Variants in CAP2 observed in about 807,000 individuals in gnomAD.
The protein encoded by CAP2 is adenylyl cyclase-associated protein 2.
A neutral mutation model predicts 57.7 loss-of-function variants in CAP2; 24 were observed. The ratio of observed to expected loss-of-function variants is 0.42; its 90% CI spans 0.30 to 0.58. The LOEUF is 0.58. Among genes scored for constraint, CAP2 ranks in the 20% least tolerant of loss-of-function variants. CAP2 has a pLI of 0.22. For missense variants in CAP2, 501 were observed against 590.3 expected, an observed-to-expected ratio of 0.85 and a Z score of 1.57; for synonymous variants, 194 against 207.2, an observed-to-expected ratio of 0.94 and a Z score of 0.55.
chr6:17,551,439 TCC>T, intron 11 of CAP2, 23 bp from the exon 12 acceptor site: 1 of 1,567,036 alleles, frequency 6.4e-7, no homozygotes, highest in Non-Finnish European at 8.7e-7. Context: ...TTTGCTTTGG[TCC>T]CAGGTATTTT....
At chr6:17,443,997 A>T (rs1211794565) in intron 3 of CAP2, among the ~76,000 whole-genome samples, 2 of 152,170 alleles carry the variant, frequency 1.3e-5, no homozygotes, top group African/African-American at 4.8e-5. Context: ...AAACCCTTTT[A>T]AAAAAATATT....
At chr6:17,411,483 A>C (rs9465034) in intron 1 of CAP2, among the ~76,000 whole-genome samples, 15,611 of 152,184 alleles carry the variant, frequency 0.1, 2,679 homozygotes, top group African/African-American at 0.35. Context: ...TTATAACCAT[A>C]CTAGTGTGTG....
chr6:17,513,667 G>A lies in CAP2; in HGVS notation c.531-182G>A, dbSNP rs569913253. 1.3e-5 allele frequency among the ~76,000 whole-genome samples: 2 copies of A among 152,298 alleles called. No homozygotes were observed. The highest frequency in any genetic ancestry group is 3.9e-4 in the East Asian group (2 of 5,180). Reference sequence around the variant, plus strand: ...CCACCTGCCGCCTCCCCTCAGGAGAGTACTGGGCCAGCTTCCTCCCAGGGT... The same window carrying A: ...CCACCTGCCGCCTCCCCTCAGGAGAATACTGGGCCAGCTTCCTCCCAGGGT... On this transcript the variant is annotated intron_variant, in intron 6 of 12. Transcript: ENST00000229922. This position sits in a 1 kb window ranked among gnomAD's most constrained non-coding sequence, Gnocchi z 4.3.
chr6:17,442,624 A>G (rs1760118998), intron 3 of CAP2, among the ~76,000 whole-genome samples: 1 of 152,126 alleles, frequency 6.6e-6, no homozygotes, highest in Non-Finnish European at 1.5e-5. Context: ...GTGGTGGTTC[A>G]GGCCTGTAAT....
intron 7 of CAP2, among the ~76,000 whole-genome samples, chr6:17,516,689 C>T (rs1762280862): frequency 6.6e-6 from 1 of 152,248 alleles, no homozygotes; most frequent in Non-Finnish European, 1.5e-5. Context: ...GTAAAACTCA[C>T]TGTCCTGAAA....
chr6:17,459,662 T>G (rs550670814), intron 3 of CAP2, among the ~76,000 whole-genome samples: 6 of 151,930 alleles, frequency 3.9e-5, no homozygotes, highest in Non-Finnish European at 8.8e-5. Context: ...AAAACAAGAA[T>G]GAAATGAAAA....
chr6:17,514,071 T>A, intron 7 of CAP2, 117 bp downstream of exon 7: 1 of 722,864 alleles, frequency 1.4e-6, no homozygotes, highest in South Asian at 1.7e-5. Context: ...AGATTAAATG[T>A]CCATGTGGAG....
At chr6:17,551,146 A>G (rs3777709) in intron 11 of CAP2, among the ~76,000 whole-genome samples, 60,007 of 152,084 alleles carry the variant, frequency 0.39, 12,661 homozygotes, top group Non-Finnish European at 0.46. Context: ...CATGTTTTGA[A>G]TCTACTAACA....
At position 17,426,615 on chromosome 6, in the gene CAP2, T is replaced by C. The variant is rs59744718; in HGVS notation, c.147T>C (p.Phe49=). ...IAGVAPSVEA[F]DKLMDSMVAE... ...GTGTGGCACCCTCCGTGGAAGCCTTTGACAAGCTGATGGACAGTATGGTGG... is the reference window on the plus strand; with the variant it reads ...GTGTGGCACCCTCCGTGGAAGCCTTCGACAAGCTGATGGACAGTATGGTGG... The change falls in exon 3 of 13, where the codon TTT becomes TTC. Residue 49 remains phenylalanine (F), a synonymous_variant. Coordinates refer to ENST00000229922, the MANE Select transcript of CAP2 (RefSeq NM_006366.3). 7.1e-3 allele frequency: 11,416 copies of C among 1,613,964 alleles called. 305 individuals are homozygous for C. In the African/African-American group the frequency reaches 0.082, roughly 12 times the overall value.
intron 3 of CAP2, among the ~76,000 whole-genome samples, chr6:17,439,974 A>G (rs9383283): frequency 0.65 from 97,722 of 151,262 alleles, 33,363 homozygotes; most frequent in East Asian, 0.86. Flanking sequence ...TTCCCCCCAT[A>G]GGTCTTCCTA....
At position 17,541,000 on chromosome 6, in the gene CAP2, A is replaced by T. The variant is rs988765440; in HGVS notation, c.854A>T (p.Lys285Met). 6.2e-7 allele frequency: 1 copy of T among 1,613,934 alleles called. No individual in the cohort carries two copies. Among genetic ancestry groups the T allele is most frequent in the Admixed American group, 1.7e-5 (1 of 60,000 alleles). Residue 285 changes from lysine to methionine, a missense_variant, in exon 9 of 13, where the codon AAG becomes ATG. By Grantham distance (95) the Lys-to-Met change is moderately conservative. Transcript: ENST00000229922. ...KGLRHVTDDQ[K>M]TYKNPSLRAQ... ...CTCCGCCATGTCACAGATGACCAGA[A>T]GACATACAAAAATCCCAGCCTGCGG...
At chr6:17,468,650 C>G (rs1202341652) in intron 4 of CAP2, among the ~76,000 whole-genome samples, 4 of 152,184 alleles carry the variant, frequency 2.6e-5, no homozygotes, top group African/African-American at 9.6e-5. Flanking sequence ...AAAAGAATGG[C>G]CCAGTTCTTA....
chr6:17,442,229 G>A (rs1760105114), intron 3 of CAP2, among the ~76,000 whole-genome samples: 1 of 152,130 alleles, frequency 6.6e-6, no homozygotes, highest in African/African-American at 2.4e-5. Flanking sequence ...TTGCACTAGG[G>A]GAAGGAAACC....
intron 3 of CAP2, among the ~76,000 whole-genome samples, chr6:17,453,015 A>T (rs1470185109): frequency 1.3e-5 from 2 of 152,242 alleles, no homozygotes; most frequent in Admixed American, 6.5e-5. Context: ...CAGGGATGTT[A>T]TGGTTTCTCC....
At chr6:17,498,571 C>T (rs1339300027) in intron 4 of CAP2, among the ~76,000 whole-genome samples, 1 of 152,132 alleles carries the variant, frequency 6.6e-6, no homozygotes, top group Non-Finnish European at 1.5e-5. Context: ...GGCTCCAGAT[C>T]TCTTCCTTTC....
intron 7 of CAP2, among the ~76,000 whole-genome samples, chr6:17,527,597 C>CT (rs10668941): frequency 0.35 from 46,375 of 130,926 alleles, 9,421 homozygotes; most frequent in Non-Finnish European, 0.44. Flanking sequence ...TGTTCTCTTT[C>CT]TTTTTTTTTT....
intron 4 of CAP2, among the ~76,000 whole-genome samples, chr6:17,480,728 C>T (rs1033556979): frequency 6.6e-6 from 1 of 151,924 alleles, no homozygotes; most frequent in East Asian, 1.9e-4. Context: ...CATTCTCCCC[C>T]ACCCCATCTG....
At chr6:17,436,133 C>A (rs1316637323) in intron 3 of CAP2, among the ~76,000 whole-genome samples, 1 of 151,414 alleles carries the variant, frequency 6.6e-6, no homozygotes, top group African/African-American at 2.4e-5. Context: ...CTCCTTCCTT[C>A]CTTCCTTTCT....
At chr6:17,525,983 G>A (rs1339582844) in intron 7 of CAP2, among the ~76,000 whole-genome samples, 1 of 152,152 alleles carries the variant, frequency 6.6e-6, no homozygotes, top group African/African-American at 2.4e-5. Flanking sequence ...TGGGACAGCA[G>A]TGACTTGAAA....
Sources: allele counts gnomAD v4.1 joint callset (sites outside exome capture counted in the v4.1 genomes callset), GRCh38; gene constraint gnomAD v4.1.1; non-coding constraint Gnocchi (gnomAD v3.1); transcripts MANE v1.5; gene names NCBI Gene and HGNC (gene_info 2026-07-23, HGNC 2026-07-21).